Variants in ESX1 observed in about 807,000 individuals in gnomAD.
The protein encoded by ESX1 is ESX homeobox 1.
ESX1 carries 2 observed loss-of-function variants against 13.2 expected under a neutral mutation model. That is an observed-to-expected ratio of 0.15 (90% CI 0.06 to 0.48). The LOEUF is 0.48. ESX1 is among the 20% of genes least tolerant of loss of function. The probability of loss-of-function intolerance (pLI) is 0.97; values close to 1 mark genes in which losing one functional copy is unlikely to be tolerated. For synonymous variants in ESX1, 157 were observed against 163.1 expected, an observed-to-expected ratio of 0.96 and a Z score of 0.29; for missense variants, 307 against 379.0, an observed-to-expected ratio of 0.81 and a Z score of 1.58.
chrX:104,254,261 T>C lies in ESX1; in HGVS notation c.399A>G (p.Pro133=). ...PAEGPQTAEG[P]QPPERKRRRR... ...GGCGGCGTTTCCTCTCTGGGGGCTGTGGTCCCTCAGCGGTTTGTGGCCCCT... is the reference window on the plus strand; with the variant it reads ...GGCGGCGTTTCCTCTCTGGGGGCTGCGGTCCCTCAGCGGTTTGTGGCCCCT... The change falls in exon 2 of 4, where the codon CCA becomes CCG. Residue 133 remains proline, a synonymous_variant. Transcript: ENST00000372588. The C allele has an allele frequency of 2.5e-6, 3 of 1,212,243 alleles. No individual in the cohort carries two copies. Among genetic ancestry groups the C allele is most frequent in the Non-Finnish European group, 3.3e-6 (3 of 895,586 alleles).
At chrX:104,254,099 G>A (rs1016935011) in intron 2 of ESX1, 55 bp downstream of exon 2, 61 of 1,144,207 alleles carry the variant, frequency 5.3e-5, no homozygotes, top group Non-Finnish European at 6.5e-5. Flanking sequence ...GTGGCTTTTA[G>A]CTCCGGTGAA....
At chrX:104,251,852 A>G (rs1923190949) in intron 3 of ESX1, among the ~76,000 whole-genome samples, 2 of 112,040 alleles carry the variant, frequency 1.8e-5, no homozygotes, top group South Asian at 7.4e-4. Context: ...TAAGGTGTTT[A>G]CAAAAAAGCG....
chrX:104,254,347 C>CTT lies in ESX1; in HGVS notation c.312_313insAA (p.Glu105LysfsTer3). The CTT allele has an allele frequency of 1.7e-6, 2 of 1,210,677 alleles. No homozygotes were observed. Among genetic ancestry groups the CTT allele is most frequent in the Non-Finnish European group, 2.2e-6 (2 of 895,186 alleles). On this transcript the variant is annotated frameshift_variant, in exon 2 of 4. Coordinates refer to ENST00000372588, the MANE Select transcript of ESX1 (RefSeq NM_153448.4). LOFTEE classifies it high-confidence loss of function. ...GGCTCCTCCTGCTCTTGCTTCAGCT[C>CTT]GAGCAGGGGCGGCTCCTCCTGCTGT...
chrX:104,250,049 C>G lies in ESX1; in HGVS notation c.*179G>C. 1 of 599,455 alleles carries G rather than the reference C, an allele frequency of 1.7e-6. No individual in the cohort carries two copies. Among genetic ancestry groups the G allele is most frequent in the African/African-American group, 2.4e-5 (1 of 42,158 alleles). 49.4% of individuals were successfully genotyped at this position (599,455 alleles called of 1,213,427 possible). A position where few individuals can be genotyped will look rare whatever the true frequency, so the allele number is the denominator to read the frequency against. On this transcript the variant is annotated 3_prime_UTR_variant, in exon 4 of 4. Transcript: ENST00000372588. ...ATACAAAACCAACGTACTATTAAGT[C>G]ACATCTTTATTGAAAATACTACAAT...
At chrX:104,254,689 TCTC>T (rs1269188120) in intron 1 of ESX1, 76 bp downstream of exon 1, 1 of 1,138,834 alleles carries the variant, frequency 8.8e-7, no homozygotes, top group Non-Finnish European at 1.2e-6. Flanking sequence ...CCGCGCAGCG[TCTC>T]CTCCGCTTGC....
rs541854807 is a variant in ESX1 at position 104,250,600 on chromosome X, C to T, written c.849G>A (p.Ala283=). ...MAPVPPGSRM[A]PVPPGPRMAP... is the part of the protein sequence containing the mutation. ...CCATGCGTGGCCCGGGTGGCACAGG[C>T]GCCATGCGTGAGCCGGGTGGCACAG... The change falls in exon 4 of 4, where the codon GCG becomes GCA. Residue 283 remains alanine (A), a synonymous_variant. Coordinates refer to ENST00000372588, the MANE Select transcript of ESX1 (RefSeq NM_153448.4). 51 of 1,192,400 alleles carry T rather than the reference C, an allele frequency of 4.3e-5. No individual in the cohort carries two copies. The highest frequency in any genetic ancestry group is 6.7e-5 in the Admixed American group (3 of 44,839).
At position 104,253,915 on chromosome X, in the gene ESX1, T is replaced by G. The variant is rs1333586719; in HGVS notation, c.506+239A>C. ...ATGCAATATTAAAACGTATCAAAAT[T>G]AATGCAAAAACAACCCATGGTGAGC... On this transcript the variant is annotated intron_variant, in intron 2 of 3. Transcript: ENST00000372588. 6.2e-5 allele frequency among the ~76,000 whole-genome samples: 7 copies of G among 112,410 alleles called. No homozygotes were observed. In the East Asian group the frequency reaches 1.7e-3, roughly 27 times the overall value.
chrX:104,254,097 T>C (rs1923255654), intron 2 of ESX1, 57 bp downstream of exon 2: 2 of 1,143,936 alleles, frequency 1.7e-6, no homozygotes, highest in Non-Finnish European at 2.3e-6. Flanking sequence ...ACGTGGCTTT[T>C]AGCTCCGGTG....
intron 2 of ESX1, among the ~76,000 whole-genome samples, chrX:104,253,153 C>A (rs200539727): frequency 6.4e-4 from 40 of 62,918 alleles, no homozygotes; most frequent in East Asian, 4.3e-3. Context: ...AAAAAAAAAA[C>A]ATATATATAT....
Position 104,250,105 on chromosome X carries a change from G to T in ESX1, c.*123C>A. The T allele has an allele frequency of 1.3e-6, 1 of 796,517 alleles. No homozygotes were observed. Among genetic ancestry groups the T allele is most frequent in the Non-Finnish European group, 1.7e-6 (1 of 588,170 alleles). 65.6% of individuals were successfully genotyped at this position (796,517 alleles called of 1,213,427 possible). ...GGCCTACAAAAATAACAGGGCATTC[G>T]TTAACTTTGTTCACCTACCCACTTC... On this transcript the variant is annotated 3_prime_UTR_variant, in exon 4 of 4. Transcript: ENST00000372588.
At chrX:104,253,849 T>C (rs1199456173) in intron 2 of ESX1, among the ~76,000 whole-genome samples, 1 of 112,661 alleles carries the variant, frequency 8.9e-6, no homozygotes, top group African/African-American at 3.2e-5. Context: ...ACAATGTAAA[T>C]GGCGCTAAAA....
At position 104,250,586 on chromosome X, in the gene ESX1, C is replaced by T; in HGVS notation, c.863G>A (p.Gly288Glu). 1 of 1,178,726 alleles carries T rather than the reference C, an allele frequency of 8.5e-7. No individual in the cohort carries two copies. The highest frequency in any genetic ancestry group is 1.1e-6 in the Non-Finnish European group (1 of 877,870). ...PGSRMAPVPP[G>E]PRMAPVPPWP... ...GGGTGGCACAGGCGCCATGCGTGGC[C>T]CGGGTGGCACAGGCGCCATGCGTGA... Residue 288 changes from glycine (G) to glutamate (E), a missense_variant, in exon 4 of 4, where the codon GGG becomes GAG. Gly to Glu is a moderately conservative substitution (Grantham distance 98, BLOSUM62 -2). Coordinates refer to ENST00000372588, the MANE Select transcript of ESX1 (RefSeq NM_153448.4).
rs782589198 is a variant in ESX1 at position 104,254,322 on chromosome X, G to A, written c.338C>T (p.Pro113Leu). ...LLELKQEQEE[P>L]PQTTVEGPQP... ...TGGCCCCTCCACGGTCGTCTGGGGC[G>A]GCTCCTCCTGCTCTTGCTTCAGCTC... The change falls in exon 2 of 4, where the codon CCG (proline) becomes CTG (leucine). Residue 113 changes from proline to leucine, a missense_variant. By Grantham distance (98) the Pro-to-Leu change is moderately conservative. Around this residue, in one of 3 missense-constraint regions of ESX1, gnomAD observed 152 missense variants for 114.5 expected, o/e 1.33. Transcript: ENST00000372588. 2.5e-6 allele frequency: 3 copies of A among 1,211,004 alleles called. No individual in the cohort carries two copies. The highest frequency in any genetic ancestry group is 1.7e-5 in the African/African-American group (1 of 57,804).
At position 104,253,142 on chromosome X, in the gene ESX1, C is replaced by CAA. The variant is rs1205672253; in HGVS notation, c.507-316_507-315dup. 1.1e-4 allele frequency among the ~76,000 whole-genome samples: 9 copies of CAA among 80,356 alleles called. No homozygotes were observed. The South Asian group carries it at 2.3e-3, about 21-fold the overall frequency. The allele number at this position is 80,356 out of a possible 115,157, so 69.8% of individuals were successfully genotyped here. The stretch of plus-strand genomic sequence containing the variant: ...CCAGCCTGGGCGACAGAGTGAGTCT[C>CAA]AAAAAAAAAACATATATATATATAT... On this transcript the variant is annotated intron_variant, in intron 2 of 3. Coordinates refer to ENST00000372588, the MANE Select transcript of ESX1 (RefSeq NM_153448.4).
At chrX:104,252,239 A>C (rs782514197) in intron 3 of ESX1, among the ~76,000 whole-genome samples, 1 of 112,263 alleles carries the variant, frequency 8.9e-6, no homozygotes, top group Non-Finnish European at 1.9e-5. Flanking sequence ...GCTAGGTTTT[A>C]AATATTTTAA....
At position 104,250,130 on chromosome X, in the gene ESX1, C is replaced by A. The variant is rs1350189889; in HGVS notation, c.*98G>T. On this transcript the variant is annotated 3_prime_UTR_variant, in exon 4 of 4. Transcript: ENST00000372588. ...GTTAACTTTGTTCACCTACCCACTT[C>A]ATTTAACAAGCATCTAACGAATTAC... The A allele has an allele frequency of 6.1e-6, 6 of 975,960 alleles. No homozygotes were observed. The highest frequency in any genetic ancestry group is 8.1e-6 in the Non-Finnish European group (6 of 736,374). The allele number at this position is 975,960 out of a possible 1,213,427, so 80.4% of individuals were successfully genotyped here. A position where few individuals can be genotyped will look rare whatever the true frequency, so the allele number is the denominator to read the frequency against.
chrX:104,253,872 A>G (rs1317725482), intron 2 of ESX1, among the ~76,000 whole-genome samples: 1 of 112,849 alleles, frequency 8.9e-6, no homozygotes, highest in African/African-American at 3.2e-5. Context: ...CTCGATAATC[A>G]AGACAAATAA....
chrX:104,254,622 C>G (rs782015453), intron 1 of ESX1, 45 bp from the exon 2 acceptor site: 1 of 1,185,102 alleles, frequency 8.4e-7, no homozygotes, highest in South Asian at 1.8e-5. Context: ...CGTTGGAGCC[C>G]ACGGCGCGTG....
At chrX:104,254,636 TGGA>T in intron 1 of ESX1, 59 bp from the exon 2 acceptor site, 6 of 1,172,058 alleles carry the variant, frequency 5.1e-6, no homozygotes, top group Admixed American at 2.2e-5. Context: ...GCGCGTGGGC[TGGA>T]GGAGGCAGGG....
Sources: gnomAD v4.1 joint callset for allele counts (sites outside exome capture counted in the v4.1 genomes callset) on GRCh38, gnomAD v4.1.1 for gene constraint, gnomAD v4.1.1 regional missense constraint, MANE v1.5 for transcripts, NCBI Gene and HGNC (gene_info 2026-07-23, HGNC 2026-07-21) for gene names.